SNX29: variants seen among roughly 807,000 people sequenced by gnomAD.
The protein encoded by SNX29 is sorting nexin 29, also known as sorting nexin-29.
In SNX29, 78 loss-of-function variants were observed where a neutral mutation model predicts 102.1. That is an observed-to-expected ratio of 0.76 (90% CI 0.64 to 0.92). The LOEUF (loss-of-function observed/expected upper bound fraction) is 0.92. SNX29 is among the 40% of genes least tolerant of loss of function. The pLI is 0.00. For missense variants in SNX29, 1,280 were observed against 1,061.7 expected, an observed-to-expected ratio of 1.21 and a Z score of -2.86; for synonymous variants, 580 against 414.5, an observed-to-expected ratio of 1.40 and a Z score of -4.85.
chr16:12,408,181 A>AAAAAAAAAC (rs1567533282), intron 18 of SNX29, among the ~76,000 whole-genome samples: 5 of 148,664 alleles, frequency 3.4e-5, no homozygotes, highest in African/African-American at 1.2e-4. Context: ...AACAAACAAA[A>AAAAAAAAAC]AAAAAACTAG....
chr16:12,506,149 C>A lies in SNX29; in HGVS notation c.2179-18553C>A, dbSNP rs140556650. ...CTAGTTTTTGTATTTTTAGTAGAGA[C>A]GGAGTTTCACCATGTTGACCAGGCT... On this transcript the variant is annotated intron_variant, in intron 19 of 20. Coordinates refer to ENST00000566228, the MANE Select transcript of SNX29 (RefSeq NM_032167.5). Among the ~76,000 whole-genome samples, 3 of 152,242 alleles carry A rather than the reference C, an allele frequency of 2.0e-5. No individual in the cohort carries two copies. In the East Asian group the frequency reaches 5.8e-4, roughly 29 times the overall value.
chr16:12,157,363 C>A (rs1465368781), intron 13 of SNX29, among the ~76,000 whole-genome samples: 1 of 152,100 alleles, frequency 6.6e-6, no homozygotes, highest in Non-Finnish European at 1.5e-5. Flanking sequence ...GATGTGCACA[C>A]ACTGGCCCTC....
intron 11 of SNX29, among the ~76,000 whole-genome samples, chr16:12,099,210 T>C (rs1273701160): frequency 6.6e-6 from 1 of 152,140 alleles, no homozygotes; most frequent in Non-Finnish European, 1.5e-5. Flanking sequence ...GCTGTGAACA[T>C]TGGCTAAAAT....
intron 10 of SNX29, among the ~76,000 whole-genome samples, chr16:12,069,740 G>A (rs187232151): frequency 6.6e-6 from 1 of 152,186 alleles, no homozygotes; most frequent in African/African-American, 2.4e-5. Flanking sequence ...GCCCAGGCTG[G>A]AGTGCGGTGG....
chr16:12,550,751 A>G (rs932031512), intron 20 of SNX29, among the ~76,000 whole-genome samples: 1 of 151,864 alleles, frequency 6.6e-6, no homozygotes, highest in Admixed American at 6.6e-5. Context: ...AAAGGTGATA[A>G]AATAGTTGAA....
chr16:12,398,984 G>A (rs899348390), intron 17 of SNX29, among the ~76,000 whole-genome samples: 2 of 152,158 alleles, frequency 1.3e-5, no homozygotes, highest in East Asian at 1.9e-4. Context: ...TGCCTTGGTC[G>A]GATTTTTGAT....
chr16:12,455,029 T>A (rs1322151790), intron 18 of SNX29, among the ~76,000 whole-genome samples: 1 of 152,202 alleles, frequency 6.6e-6, no homozygotes, highest in African/African-American at 2.4e-5. Flanking sequence ...ATTACAGGCA[T>A]GAGCCATCAC....
At chr16:12,517,755 T>C (rs752127568) in intron 19 of SNX29, among the ~76,000 whole-genome samples, 3 of 151,882 alleles carry the variant, frequency 2.0e-5, no homozygotes, top group Admixed American at 1.3e-4. Flanking sequence ...AATGAGACTA[T>C]CCCAGGAAGC....
At chr16:12,508,241 A>T (rs753717654) in intron 19 of SNX29, among the ~76,000 whole-genome samples, 21 of 152,138 alleles carry the variant, frequency 1.4e-4, no homozygotes, top group Non-Finnish European at 2.4e-4. Context: ...CGGCAAGGTC[A>T]CGCATCCCCG....
chr16:12,380,772 TCCATCCATCCAC>T (rs1567503184), intron 16 of SNX29, among the ~76,000 whole-genome samples: 1 of 54,018 alleles, frequency 1.9e-5, no homozygotes, highest in Non-Finnish European at 4.1e-5. Context: ...CCACCCACCA[TCCATCCATCCAC>T]CCATCCACCC....
intron 11 of SNX29, among the ~76,000 whole-genome samples, chr16:12,105,223 C>CCTT (rs1567210193): frequency 1.8e-5 from 2 of 110,230 alleles, no homozygotes; most frequent in Non-Finnish European, 4.0e-5. Flanking sequence ...CTCCCTCCCT[C>CCTT]CCTCCCTTCC....
At chr16:12,405,287 C>G (rs2084114841) in intron 18 of SNX29, among the ~76,000 whole-genome samples, 1 of 152,204 alleles carries the variant, frequency 6.6e-6, no homozygotes, top group Non-Finnish European at 1.5e-5. Context: ...AGCAACTTGG[C>G]AATTTTTAGC....
At chr16:12,253,969 A>T (rs531701875) in intron 14 of SNX29, among the ~76,000 whole-genome samples, 1 of 152,188 alleles carries the variant, frequency 6.6e-6, no homozygotes, top group East Asian at 1.9e-4. Context: ...TGGATGCTGG[A>T]GCTGGAAGGA....
rs1007571431 is a variant in SNX29, at chr16:12,570,774, A to T, written c.*2145A>T. The T allele has an allele frequency of 8.3e-6, 1 of 121,038 alleles. No individual in the cohort carries two copies. 7.5% of individuals were successfully genotyped at this position (121,038 alleles called of 1,614,324 possible). A position where few individuals can be genotyped will look rare whatever the true frequency, so the allele number is the denominator to read the frequency against. ...CACCTTGGACATTCTGCACATGATAATAATGCAACAGTCCCCCATTGCTGA... is the reference window on the plus strand; with the variant it reads ...CACCTTGGACATTCTGCACATGATATTAATGCAACAGTCCCCCATTGCTGA... On this transcript the variant is annotated 3_prime_UTR_variant, in exon 21 of 21. Transcript: ENST00000566228.
intron 20 of SNX29, among the ~76,000 whole-genome samples, chr16:12,551,983 T>C (rs1465482852): frequency 6.6e-6 from 1 of 152,282 alleles, no homozygotes; most frequent in Admixed American, 6.5e-5. Context: ...CAGTGCCATG[T>C]CAAAGTAGCT....
At chr16:12,447,165 C>CAAAAAA (rs59942122) in intron 18 of SNX29, among the ~76,000 whole-genome samples, 14 of 43,912 alleles carry the variant, frequency 3.2e-4, no homozygotes, top group Admixed American at 9.0e-4. Flanking sequence ...GACTCTGTCT[C>CAAAAAA]AAAAAAAAAA....
At position 12,488,451 on chromosome 16, in the gene SNX29, C is replaced by A. The variant is rs1283762377; in HGVS notation, c.2178+10592C>A. ...TCTTCCTTCCCGCAGTCCCCCCCGT[C>A]CCCGCACCCATGACACCATAGAATT... On this transcript the variant is annotated intron_variant, in intron 19 of 20. Coordinates refer to ENST00000566228, the MANE Select transcript of SNX29 (RefSeq NM_032167.5). 2.0e-5 allele frequency among the ~76,000 whole-genome samples: 3 copies of A among 152,110 alleles called. No individual in the cohort carries two copies. The South Asian group carries it at 6.2e-4, about 32-fold the overall frequency.
intron 18 of SNX29, among the ~76,000 whole-genome samples, chr16:12,405,771 C>T (rs1005556524): frequency 1.3e-5 from 2 of 152,166 alleles, no homozygotes; most frequent in Non-Finnish European, 2.9e-5. Context: ...TGGTGGCTCA[C>T]GCCTGTAATC....
chr16:12,456,507 G>GTA (rs2086545943), intron 18 of SNX29, among the ~76,000 whole-genome samples: 1 of 73,156 alleles, frequency 1.4e-5, no homozygotes, highest in East Asian at 3.3e-4. Context: ...ATGTGTGCAC[G>GTA]TGTGTGTGTG....
Sources: allele counts gnomAD v4.1 joint callset (sites outside exome capture counted in the v4.1 genomes callset), GRCh38; gene constraint gnomAD v4.1.1; transcripts MANE v1.5; gene names NCBI Gene and HGNC (gene_info 2026-07-23, HGNC 2026-07-21).